Variants in TIAL1 observed in about 807,000 individuals in gnomAD.
The protein encoded by TIAL1 is TIA1 cytotoxic granule associated RNA binding protein like 1.
In TIAL1, 7 loss-of-function variants were observed where a neutral mutation model predicts 59.7. The ratio of observed to expected loss-of-function variants is 0.12; its 90% CI spans 0.07 to 0.22. The LOEUF (loss-of-function observed/expected upper bound fraction) is 0.22, where lower values mean the gene tolerates loss of function less well. Ranked by LOEUF, TIAL1 falls within the 10% of genes least tolerant of loss-of-function variation. The pLI is 1.00. For synonymous variants in TIAL1, 149 were observed against 146.3 expected (o/e 1.02, Z -0.13); for missense variants, 225 against 462.5 (o/e 0.49, Z 4.71).
intron 5 of TIAL1, 162 bp downstream of exon 5, chr10:119,581,760 A>G (rs1274045199): frequency 5.4e-6 from 3 of 553,574 alleles, no homozygotes; most frequent in Non-Finnish European, 9.3e-6. Context: ...TAACATTTTC[A>G]ACAACATCCA....
At chr10:119,595,581 T>A (rs1296370089) in intron 1 of TIAL1, among the ~76,000 whole-genome samples, 2 of 152,074 alleles carry the variant, frequency 1.3e-5, no homozygotes, top group African/African-American at 4.8e-5. Context: ...AGATTGAGCT[T>A]CAGGTAAAAA....
chr10:119,576,556 T>C, intron 11 of TIAL1, 55 bp downstream of exon 11: 2 of 1,584,534 alleles, frequency 1.3e-6, no homozygotes, highest in Non-Finnish European at 1.7e-6. Flanking sequence ...AACACACTTT[T>C]ATTTATTTTG....
intron 2 of TIAL1, among the ~76,000 whole-genome samples, chr10:119,587,752 C>G (rs11816089): frequency 0.16 from 25,017 of 152,176 alleles, 2,397 homozygotes; most frequent in African/African-American, 0.25. Context: ...TTGCTACAGA[C>G]ACACGAGACG....
intron 1 of TIAL1, among the ~76,000 whole-genome samples, chr10:119,595,724 G>A (rs1846140550): frequency 6.6e-6 from 1 of 152,216 alleles, no homozygotes; most frequent in Non-Finnish European, 1.5e-5. Context: ...AGAGCAAAAG[G>A]AGTTTAACAA....
Position 119,596,648 on chromosome 10 carries a change from C to CAGGAGG in TIAL1, c.-189_-184dup. On this transcript the variant is annotated 5_prime_UTR_variant, in exon 1 of 12. Coordinates refer to ENST00000436547, the MANE Select transcript of TIAL1 (RefSeq NM_003252.4). ...GACACTGCGCTCCAACCAGGAGGAG[C>CAGGAGG]AGGAGGAGGAGGAGGATGAACAAAA... The CAGGAGG allele has an allele frequency of 1.7e-6, 1 of 600,148 alleles. No individual in the cohort carries two copies. Among genetic ancestry groups the CAGGAGG allele is most frequent in the South Asian group, 2.0e-5 (1 of 50,620 alleles). The allele number at this position is 600,148 out of a possible 1,614,324, so 37.2% of individuals were successfully genotyped here.
intron 2 of TIAL1, among the ~76,000 whole-genome samples, chr10:119,585,561 C>A (rs1323659381): frequency 6.6e-6 from 1 of 152,074 alleles, no homozygotes; most frequent in Non-Finnish European, 1.5e-5. Context: ...TTTACAAGCT[C>A]AAATCTAGGA....
At chr10:119,577,617 T>C in intron 8 of TIAL1, 24 bp downstream of exon 8, 4 of 1,609,902 alleles carry the variant, frequency 2.5e-6, no homozygotes. Context: ...TCCTCAGAGG[T>C]GATTAGAAAA....
chr10:119,590,930 G>A (rs1845853056), intron 1 of TIAL1, among the ~76,000 whole-genome samples: 2 of 152,152 alleles, frequency 1.3e-5, no homozygotes, highest in South Asian at 4.2e-4. Flanking sequence ...TTCACATATT[G>A]AAGCTAGCTA....
chr10:119,584,210 A>G (rs937137942), intron 2 of TIAL1, among the ~76,000 whole-genome samples: 5 of 152,220 alleles, frequency 3.3e-5, no homozygotes, highest in African/African-American at 9.6e-5. Context: ...CTGACATCAC[A>G]TATTTTATAT....
intron 1 of TIAL1, among the ~76,000 whole-genome samples, chr10:119,594,700 C>A (rs1846065368): frequency 6.6e-6 from 1 of 152,162 alleles, no homozygotes; most frequent in Non-Finnish European, 1.5e-5. Context: ...TCTCGGCTCA[C>A]TGCAACCTCT....
chr10:119,576,260 C>A (rs1329724131), intron 11 of TIAL1, among the ~76,000 whole-genome samples: 1 of 147,510 alleles, frequency 6.8e-6, no homozygotes, highest in African/African-American at 2.5e-5. Context: ...AGATTTCTCA[C>A]ACATACCACA....
Position 119,576,705 on chromosome 10 carries a change from G to A in TIAL1, c.907C>T (p.Pro303Ser), listed in dbSNP as rs1564732134. 4 of 1,614,102 alleles carry A rather than the reference G, an allele frequency of 2.5e-6. No individual in the cohort carries two copies. Among genetic ancestry groups the A allele is most frequent in the African/African-American group, 1.3e-5 (1 of 75,030 alleles). The change falls in exon 11 of 12, where the codon CCA becomes TCA. Residue 303 changes from proline (P) to serine (S), a missense_variant. Around this residue, in one of 4 missense-constraint regions of TIAL1, gnomAD observed 80 missense variants for 158.8 expected, o/e 0.50. Transcript: ENST00000436547. ...GCCATATACTGTCCATACTGTTGTG[G>A]GTTTCCATACACTTGGCTCCATTGG... ...WGQWSQVYGN[P>S]QQYGQYMANG...
At chr10:119,583,210 G>A (rs1193745432) in intron 2 of TIAL1, among the ~76,000 whole-genome samples, 1 of 152,096 alleles carries the variant, frequency 6.6e-6, no homozygotes, top group East Asian at 1.9e-4. Context: ...TATATACTTT[G>A]AATTTGGTCT....
In TIAL1 at chr10:119,575,069, G is replaced by A. The variant is rs1270653557; in HGVS notation, c.*596C>T. 1 of 152,602 alleles carries A rather than the reference G, an allele frequency of 6.6e-6. No individual in the cohort carries two copies. Among genetic ancestry groups the A allele is most frequent in the Non-Finnish European group, 1.5e-5 (1 of 68,058 alleles). The allele number at this position is 152,602 out of a possible 1,614,324, so 9.5% of individuals were successfully genotyped here. Reference sequence around the variant, plus strand: ...TTGCTCAAGTAACTCAAACAATGCTGTTCCTTTTTTAGGGTGCAAAACTTC... The same window carrying A: ...TTGCTCAAGTAACTCAAACAATGCTATTCCTTTTTTAGGGTGCAAAACTTC... On this transcript the variant is annotated 3_prime_UTR_variant, in exon 12 of 12. Transcript: ENST00000436547.
rs561171907 is a variant in TIAL1, at chr10:119,582,867, C to T, written c.130-310G>A. Reference sequence around the variant, plus strand: ...AAGATTATATTAAACCAAACAAAACCTCAAACTCAGATCTGATGAGGACCA... The same window carrying T: ...AAGATTATATTAAACCAAACAAAACTTCAAACTCAGATCTGATGAGGACCA... On this transcript the variant is annotated intron_variant, in intron 2 of 11. Coordinates refer to ENST00000436547, the MANE Select transcript of TIAL1 (RefSeq NM_003252.4). The surrounding 1 kb of genome is among the most constrained non-coding windows in gnomAD (Gnocchi z 5.1). Among the ~76,000 whole-genome samples the T allele has an allele frequency of 1.1e-4, 16 of 152,092 alleles. No homozygotes were observed. The South Asian group carries it at 2.9e-3, about 28-fold the overall frequency.
chr10:119,582,674 G>C lies in TIAL1; in HGVS notation c.130-117C>G, dbSNP rs1845357599. 1.4e-6 allele frequency: 2 copies of C among 1,453,244 alleles called. No individual in the cohort carries two copies. The highest frequency in any genetic ancestry group is 1.8e-6 in the Non-Finnish European group (2 of 1,097,020). The allele number at this position is 1,453,244 out of a possible 1,614,324, so 90.0% of individuals were successfully genotyped here. A position where few individuals can be genotyped will look rare whatever the true frequency, so the allele number is the denominator to read the frequency against. ...GAATATACAAGGTGAGACTGCATAA[G>C]CTTATGAAAGCCTAACACTTTTTAA... is the stretch of plus-strand genomic sequence containing the variant. On this transcript the variant is annotated intron_variant, in intron 2 of 11. Coordinates refer to ENST00000436547, the MANE Select transcript of TIAL1 (RefSeq NM_003252.4). The surrounding 1 kb of genome is among the most constrained non-coding windows in gnomAD (Gnocchi z 5.1).
intron 1 of TIAL1, among the ~76,000 whole-genome samples, chr10:119,589,115 G>A (rs188084301): frequency 2.0e-4 from 30 of 152,158 alleles, no homozygotes; most frequent in African/African-American, 7.0e-4. Context: ...GCTGAGTAAG[G>A]TTGTTTGCAA....
At chr10:119,579,263 G>A (rs560638534) in intron 6 of TIAL1, among the ~76,000 whole-genome samples, 17 of 152,036 alleles carry the variant, frequency 1.1e-4, no homozygotes, top group South Asian at 1.0e-3. Flanking sequence ...GCTTGAACCC[G>A]GGAGGTGGAG....
rs1554862510 is a variant in TIAL1, at chr10:119,574,598, A to AAC, written c.*1066_*1067insGT. The AAC allele has an allele frequency of 6.6e-5, 10 of 150,666 alleles. No individual in the cohort carries two copies. Among genetic ancestry groups the AAC allele is most frequent in the Non-Finnish European group, 1.3e-4 (9 of 67,696 alleles). 9.3% of individuals were successfully genotyped at this position (150,666 alleles called of 1,614,324 possible). ...AAGTAATGTAAAGCAAAAAAAAAAA[A>AAC]AAAAAAAAACAAAAACAAAAAACTA... is the stretch of plus-strand genomic sequence containing the variant. On this transcript the variant is annotated 3_prime_UTR_variant, in exon 12 of 12. Transcript: ENST00000436547.
Sources: gnomAD v4.1 joint callset for allele counts (sites outside exome capture counted in the v4.1 genomes callset) on GRCh38, gnomAD v4.1.1 for gene constraint, gnomAD v4.1.1 regional missense constraint, Gnocchi (gnomAD v3.1) non-coding constraint, MANE v1.5 for transcripts, NCBI Gene and HGNC (gene_info 2026-07-23, HGNC 2026-07-21) for gene names.